ETV6: variants seen among roughly 807,000 people sequenced by gnomAD.
ETV6 encodes transcription factor ETV6.
In ETV6, 16 loss-of-function variants were observed where a neutral mutation model predicts 51.1. That is an observed-to-expected ratio of 0.31 (90% confidence interval 0.21 to 0.48). The LOEUF (loss-of-function observed/expected upper bound fraction) is 0.48, where lower values mean the gene tolerates loss of function less well. Among genes scored for constraint, ETV6 ranks in the 20% least tolerant of loss-of-function variants. ETV6 has a pLI of 0.99. For missense variants in ETV6, 458 were observed against 594.8 expected (o/e 0.77, Z 2.39); for synonymous variants, 240 against 224.1 (o/e 1.07, Z -0.64).
At chr12:11,739,826 A>G (rs1462109698) in intron 1 of ETV6, among the ~76,000 whole-genome samples, 1 of 152,138 alleles carries the variant, frequency 6.6e-6, no homozygotes, top group Non-Finnish European at 1.5e-5. Context: ...CTCCCCTTAT[A>G]TTTCTGTGGG....
chr12:11,799,851 G>C (rs369178520), intron 2 of ETV6, among the ~76,000 whole-genome samples: 1 of 152,020 alleles, frequency 6.6e-6, no homozygotes. Context: ...CTGCAGCCTC[G>C]ATGGCCTGGG....
intron 2 of ETV6, among the ~76,000 whole-genome samples, chr12:11,760,141 C>T (rs1294800898): frequency 1.3e-5 from 2 of 152,144 alleles, no homozygotes; most frequent in African/African-American, 2.4e-5. Flanking sequence ...TTAAACTGGC[C>T]CTGGCTCTGG....
chr12:11,680,670 C>G (rs1864510052), intron 1 of ETV6, among the ~76,000 whole-genome samples: 1 of 152,202 alleles, frequency 6.6e-6, no homozygotes, highest in African/African-American at 2.4e-5. Flanking sequence ...GCAAAATCAT[C>G]TGCTTAGAAA....
intron 2 of ETV6, among the ~76,000 whole-genome samples, chr12:11,836,547 A>G (rs1946319132): frequency 6.6e-6 from 1 of 152,170 alleles, no homozygotes; most frequent in Non-Finnish European, 1.5e-5. Flanking sequence ...GGAGACATTA[A>G]TGGGAAGTGA....
chr12:11,792,794 C>G (rs997478802), intron 2 of ETV6, among the ~76,000 whole-genome samples: 1 of 152,032 alleles, frequency 6.6e-6, no homozygotes, highest in African/African-American at 2.4e-5. Context: ...TGCAGCTGAG[C>G]TAAGGGGCAG....
At position 11,892,233 on chromosome 12, in the gene ETV6, T is replaced by C. The variant is rs1476992062; in HGVS notation, c.*1187T>C. On this transcript the variant is annotated 3_prime_UTR_variant, in exon 8 of 8. Coordinates refer to ENST00000396373, the MANE Select transcript of ETV6 (RefSeq NM_001987.5). ...TGATTTTTTTTTTTTTTTTTTTTTT[T>C]CAATTCCTAACCTTTTTTAAAGTTT... The C allele has an allele frequency of 8.8e-6, 2 of 227,060 alleles. No homozygotes were observed. The highest frequency in any genetic ancestry group is 6.2e-5 in the East Asian group (1 of 16,148). The allele number at this position is 227,060 out of a possible 1,614,324, so 14.1% of individuals were successfully genotyped here. A position where few individuals can be genotyped will look rare whatever the true frequency, so the allele number is the denominator to read the frequency against.
chr12:11,708,136 G>A (rs1865107102), intron 1 of ETV6, among the ~76,000 whole-genome samples: 1 of 152,054 alleles, frequency 6.6e-6, no homozygotes, highest in Non-Finnish European at 1.5e-5. Flanking sequence ...TCCAACAGGA[G>A]AGAGTTCTCA....
chr12:11,702,857 A>G (rs942653544), intron 1 of ETV6, among the ~76,000 whole-genome samples: 1 of 152,224 alleles, frequency 6.6e-6, no homozygotes, highest in Admixed American at 6.5e-5. Context: ...TGTAATCCCA[A>G]CAATTTTGGA....
intron 1 of ETV6, among the ~76,000 whole-genome samples, chr12:11,695,043 C>T (rs1214844579): frequency 5.9e-5 from 9 of 152,156 alleles, no homozygotes; most frequent in Admixed American, 5.9e-4. Flanking sequence ...TCAAAGGATA[C>T]CGAAGACAGG....
chr12:11,795,800 C>T (rs1050416509), intron 2 of ETV6, among the ~76,000 whole-genome samples: 1 of 152,178 alleles, frequency 6.6e-6, no homozygotes. Context: ...CCTAACCTCT[C>T]CAAAGACCTA....
Position 11,890,974 on chromosome 12 carries a change from C to T in ETV6, c.1287C>T (p.Gly429=), listed in dbSNP as rs201517292. 1 of 1,613,772 alleles carries T rather than the reference C, an allele frequency of 6.2e-7. No individual in the cohort carries two copies. The highest frequency in any genetic ancestry group is 1.3e-5 in the African/African-American group (1 of 75,002). Residue 429 remains glycine (G), a synonymous_variant, in exon 8 of 8, where the codon GGC becomes GGT. Coordinates refer to ENST00000396373, the MANE Select transcript of ETV6 (RefSeq NM_001987.5). ...FMKTPDEIMS[G]RTDRLEHLES... ...AAACCCCAGATGAAATCATGAGTGG[C>T]CGAACAGACCGTCTGGAGCACCTAG...
chr12:11,768,801 C>G, intron 2 of ETV6: 1 of 394,272 alleles, frequency 2.5e-6, no homozygotes, highest in Non-Finnish European at 5.0e-6. Flanking sequence ...CTGGCCAGCT[C>G]TGTCCACACC....
intron 1 of ETV6, among the ~76,000 whole-genome samples, chr12:11,737,634 A>C (rs1229626866): frequency 6.6e-6 from 1 of 152,186 alleles, no homozygotes; most frequent in Non-Finnish European, 1.5e-5. Context: ...GAGACAATGC[A>C]TATTAATTTT....
intron 1 of ETV6, among the ~76,000 whole-genome samples, chr12:11,652,934 C>G: frequency 6.6e-6 from 1 of 152,148 alleles, no homozygotes; most frequent in East Asian, 1.9e-4. Context: ...ATCAGACACA[C>G]ACTTTTTACG....
chr12:11,813,722 G>C, intron 2 of ETV6, among the ~76,000 whole-genome samples: 1 of 152,028 alleles, frequency 6.6e-6, no homozygotes, highest in East Asian at 1.9e-4. Context: ...GCACGACCTT[G>C]AAAAGACTTC....
At chr12:11,704,555 C>A (rs1424116794) in intron 1 of ETV6, among the ~76,000 whole-genome samples, 7 of 152,144 alleles carry the variant, frequency 4.6e-5, no homozygotes. Context: ...CCATGTTGGC[C>A]AGGCTAGTCT....
chr12:11,780,052 A>G (rs1945390762), intron 2 of ETV6, among the ~76,000 whole-genome samples: 1 of 152,240 alleles, frequency 6.6e-6, no homozygotes. Context: ...AGATGCTGAA[A>G]AACAAAAGAG....
chr12:11,778,324 A>T (rs1945363207), intron 2 of ETV6, among the ~76,000 whole-genome samples: 1 of 152,190 alleles, frequency 6.6e-6, no homozygotes, highest in Non-Finnish European at 1.5e-5. Context: ...GCACACACAC[A>T]CACTCCTGTG....
chr12:11,877,761 A>G (rs1034708371), intron 5 of ETV6, among the ~76,000 whole-genome samples: 2 of 152,238 alleles, frequency 1.3e-5, no homozygotes, highest in African/African-American at 2.4e-5. Context: ...ACTCCCAAGC[A>G]GGTGCATAAT....
Sources: gnomAD v4.1 joint callset for allele counts (sites outside exome capture counted in the v4.1 genomes callset) on GRCh38, gnomAD v4.1.1 for gene constraint, MANE v1.5 for transcripts, NCBI Gene and HGNC (gene_info 2026-07-23, HGNC 2026-07-21) for gene names.